The following CACNA1I variants were observed in gnomAD, a reference collection of about 807,000 sequenced individuals.
CACNA1I encodes the protein calcium voltage-gated channel subunit alpha1 I, also known as voltage-dependent T-type calcium channel subunit alpha-1I.
A neutral mutation model predicts 201.6 loss-of-function variants in CACNA1I; 74 were observed. The observed-to-expected ratio is 0.37, with a 90% CI of 0.30 to 0.45. CACNA1I has a LOEUF of 0.45. Ranked by LOEUF, CACNA1I falls within the 20% of genes least tolerant of loss-of-function variation. The pLI is 1.00. For synonymous variants in CACNA1I, 1,431 were observed against 1,345.2 expected, an observed-to-expected ratio of 1.06 and a Z score of -1.40; for missense variants, 2,346 against 3,138.1, an observed-to-expected ratio of 0.75 and a Z score of 6.03.
chr22:39,603,296 GC>G (rs1244857658), intron 3 of CACNA1I, among the ~76,000 whole-genome samples: 1 of 152,048 alleles, frequency 6.6e-6, no homozygotes, highest in African/African-American at 2.4e-5. Context: ...TTTTGTCCAT[GC>G]CTTTCCCCTT....
chr22:39,684,503 C>A lies in CACNA1I; in HGVS notation c.6027+5C>A, dbSNP rs545055902. Reference sequence around the variant, plus strand: ...AACTGTACCCTCCTCCGGCAGGTACCGACACCTCCCAGGCCCTAGAGCACT... The same window carrying A: ...AACTGTACCCTCCTCCGGCAGGTACAGACACCTCCCAGGCCCTAGAGCACT... On this transcript the variant is annotated splice_donor_5th_base_variant and intron_variant, in intron 36 of 36. Coordinates refer to ENST00000402142, the MANE Select transcript of CACNA1I (RefSeq NM_021096.4). This position sits in a 1 kb window ranked among gnomAD's most constrained non-coding sequence, Gnocchi z 4.6. The A allele has an allele frequency of 1.2e-4, 201 of 1,611,134 alleles. 1 individual carries two copies. In the East Asian group the frequency reaches 4.3e-3, roughly 35 times the overall value.
chr22:39,606,116 C>T (rs1208895718), intron 3 of CACNA1I, among the ~76,000 whole-genome samples: 2 of 152,208 alleles, frequency 1.3e-5, no homozygotes, highest in African/African-American at 4.8e-5. Flanking sequence ...GCTGGACTCG[C>T]TTCAGGCTGT....
intron 15 of CACNA1I, 141 bp downstream of exon 15, chr22:39,660,578 T>C (rs1934975974): frequency 3.4e-6 from 2 of 582,390 alleles, no homozygotes; most frequent in Non-Finnish European, 5.9e-6. Context: ...TTTACGTTCA[T>C]AATTGGAAAA....
Position 39,662,182 on chromosome 22 carries a change from T to C in CACNA1I, c.3119T>C (p.Ile1040Thr). Residue 1040 changes from isoleucine to threonine, a missense_variant, in exon 17 of 37, where the codon ATT (isoleucine) becomes ACT (threonine). Ile to Thr is a moderately conservative substitution (Grantham distance 89, BLOSUM62 -1). Coordinates refer to ENST00000402142, the MANE Select transcript of CACNA1I (RefSeq NM_021096.4). ...APLHTPHAHHIHHGPHLAHRH... is the reference protein window; with the variant it reads ...APLHTPHAHHTHHGPHLAHRH... ...CTGCACACCCCACACGCCCACCACA[T>C]TCATCACGGGCCCCATCTGGCGCAC... The C allele has an allele frequency of 6.5e-7, 1 of 1,528,680 alleles. No homozygotes were observed. The allele number at this position is 1,528,680 out of a possible 1,614,324, so 94.7% of individuals were successfully genotyped here.
At position 39,661,148 on chromosome 22, in the gene CACNA1I, C is replaced by T; in HGVS notation, c.2739C>T (p.His913=). ...LCPIPMTPNG[H]LDPSLPLGGH... ...CAATCCCCATGACCCCCAATGGGCA[C>T]CTGGACCCCAGTCTCCCACTGGGTG... is the stretch of plus-strand genomic sequence containing the variant. Residue 913 remains histidine (H), a synonymous_variant, in exon 16 of 37, where the codon CAC becomes CAT. Transcript: ENST00000402142. 6.2e-7 allele frequency: 1 copy of T among 1,613,402 alleles called. No individual in the cohort carries two copies. The highest frequency in any genetic ancestry group is 8.5e-7 in the Non-Finnish European group (1 of 1,179,778).
intron 35 of CACNA1I, among the ~76,000 whole-genome samples, chr22:39,682,966 G>A (rs754007585): frequency 3.5e-4 from 53 of 152,070 alleles, no homozygotes; most frequent in African/African-American, 1.1e-3. Flanking sequence ...GGGTACACAC[G>A]GCTCTCATCA....
intron 28 of CACNA1I, 146 bp downstream of exon 28, chr22:39,673,228 G>C (rs961332932): frequency 3.8e-5 from 33 of 870,756 alleles, no homozygotes; most frequent in Non-Finnish European, 5.7e-5. Flanking sequence ...CTGAACAGGG[G>C]TGAGAAGGAG....
At chr22:39,586,763 G>C (rs1283688470) in intron 1 of CACNA1I, among the ~76,000 whole-genome samples, 1 of 152,178 alleles carries the variant, frequency 6.6e-6, no homozygotes, top group Non-Finnish European at 1.5e-5. Context: ...CAGAGGACAG[G>C]TCCCCAGGGA....
At chr22:39,610,921 A>G (rs1933369395) in intron 3 of CACNA1I, among the ~76,000 whole-genome samples, 1 of 151,948 alleles carries the variant, frequency 6.6e-6, no homozygotes, top group Non-Finnish European at 1.5e-5. Context: ...GGTGTGGGGC[A>G]TGTGCTCATC....
chr22:39,661,442 G>A, intron 16 of CACNA1I, 132 bp downstream of exon 16: 1 of 687,880 alleles, frequency 1.5e-6, no homozygotes, highest in South Asian at 2.2e-5. Flanking sequence ...GGCCATGTCT[G>A]TTGCATTCCT....
chr22:39,572,937 A>G (rs1049143067), intron 1 of CACNA1I, among the ~76,000 whole-genome samples: 1 of 151,998 alleles, frequency 6.6e-6, no homozygotes, highest in Non-Finnish European at 1.5e-5. Flanking sequence ...TTGTATTTTT[A>G]GTAGAGATGG....
rs1383054420 is a variant in CACNA1I, at chr22:39,659,181, G to T, written c.2330+65G>T. The T allele has an allele frequency of 2.5e-6, 4 of 1,583,638 alleles. No homozygotes were observed. Among genetic ancestry groups the T allele is most frequent in the Admixed American group, 1.7e-5 (1 of 57,792 alleles). On this transcript the variant is annotated intron_variant, in intron 12 of 36. Transcript: ENST00000402142. The surrounding 1 kb of genome is among the most constrained non-coding windows in gnomAD (Gnocchi z 4.3). ...TGGGGCTGTGGGCGGGAGCCTGGGG[G>T]ATGTGGTCCACTGTGCTTCTCTGGA...
chr22:39,647,858 A>G lies in CACNA1I; in HGVS notation c.1499A>G (p.His500Arg), dbSNP rs748428768. The G allele has an allele frequency of 8.1e-6, 13 of 1,613,110 alleles. No homozygotes were observed. In the Middle Eastern group the frequency reaches 4.9e-4, roughly 61 times the overall value. The change falls in exon 9 of 37, where the codon CAT becomes CGT. Residue 500 changes from histidine (H) to arginine (R), a missense_variant. By Grantham distance (29) the His-to-Arg change is conservative. Around this residue, in one of 13 missense-constraint regions of CACNA1I, gnomAD observed 312 missense variants for 331.5 expected, o/e 0.94. Coordinates refer to ENST00000402142, the MANE Select transcript of CACNA1I (RefSeq NM_021096.4). The stretch of plus-strand genomic sequence containing the variant: ...AAGGGTCAGGGAGATGAAGGGAGAC[A>G]TCTCGGAAGCCGGCATTGCCAGACT... The part of the protein sequence containing the change: ...KTKGQGDEGR[H>R]LGSRHCQTLH...
At chr22:39,597,991 C>T (rs529309316) in intron 1 of CACNA1I, among the ~76,000 whole-genome samples, 160 bp from the exon 2 acceptor site, 3 of 152,218 alleles carry the variant, frequency 2.0e-5, no homozygotes, top group South Asian at 4.1e-4. Flanking sequence ...ACTGGCACCA[C>T]GGGCTTTGAG....
intron 3 of CACNA1I, among the ~76,000 whole-genome samples, chr22:39,617,127 G>C (rs921487335): frequency 6.6e-6 from 1 of 152,244 alleles, no homozygotes; most frequent in Non-Finnish European, 1.5e-5. Context: ...CAGGTAAAGA[G>C]AACAGTGCCC....
chr22:39,599,793 G>A (rs1932985109), intron 2 of CACNA1I, among the ~76,000 whole-genome samples: 1 of 152,172 alleles, frequency 6.6e-6, no homozygotes, highest in African/African-American at 2.4e-5. Flanking sequence ...GCACCTCTGT[G>A]TCCTCACCAC....
chr22:39,621,470 T>G (rs1019280095), intron 4 of CACNA1I, among the ~76,000 whole-genome samples: 5 of 152,242 alleles, frequency 3.3e-5, no homozygotes, highest in African/African-American at 1.2e-4. Context: ...GCTTGCAGAA[T>G]GCATCAGTCA....
intron 25 of CACNA1I, among the ~76,000 whole-genome samples, 175 bp from the exon 26 acceptor site, chr22:39,670,628 A>G (rs1962323805): frequency 6.6e-6 from 1 of 151,932 alleles, no homozygotes; most frequent in Non-Finnish European, 1.5e-5. Context: ...AGTTTCTCTC[A>G]TGGTGCTTTG....
At chr22:39,661,014 C>T (rs1934988307) in intron 15 of CACNA1I, 94 bp from the exon 16 acceptor site, 1 of 1,023,166 alleles carries the variant, frequency 9.8e-7, no homozygotes, top group Non-Finnish European at 1.5e-6. Flanking sequence ...TCCATTTCTG[C>T]TCCTTCCTTG....
Sources: gnomAD v4.1 joint callset for allele counts (sites outside exome capture counted in the v4.1 genomes callset) on GRCh38, gnomAD v4.1.1 for gene constraint, gnomAD v4.1.1 regional missense constraint, Gnocchi (gnomAD v3.1) non-coding constraint, MANE v1.5 for transcripts, NCBI Gene and HGNC (gene_info 2026-07-23, HGNC 2026-07-21) for gene names.